ZFPM2: variants seen among roughly 807,000 people sequenced by gnomAD.
ZFPM2 encodes the protein zinc finger protein, FOG family member 2, also known as zinc finger protein ZFPM2.
Under a neutral mutation model 98.6 loss-of-function variants are expected in ZFPM2, and 20 were observed. The observed-to-expected ratio is 0.20, with a 90% CI of 0.14 to 0.29. The LOEUF is 0.29. ZFPM2 is among the 10% of genes least tolerant of loss of function. The probability of loss-of-function intolerance (pLI) is 1.00; values close to 1 mark genes in which losing one functional copy is unlikely to be tolerated. For synonymous variants in ZFPM2, 518 were observed against 502.7 expected (o/e 1.03, Z -0.41); for missense variants, 1,310 against 1,388.6 (o/e 0.94, Z 0.90).
intron 3 of ZFPM2, among the ~76,000 whole-genome samples, chr8:105,454,135 A>C (rs552625644): frequency 6.6e-6 from 1 of 152,160 alleles, no homozygotes; most frequent in East Asian, 1.9e-4. Context: ...TTATATGAAA[A>C]GTCTTTTCGA....
chr8:105,786,911 T>C (rs745617910), intron 5 of ZFPM2, among the ~76,000 whole-genome samples: 3 of 152,222 alleles, frequency 2.0e-5, no homozygotes, highest in Non-Finnish European at 4.4e-5. Context: ...TTACCAATAA[T>C]GTAAAGTTAA....
At chr8:105,637,910 T>C (rs1405891532) in intron 5 of ZFPM2, among the ~76,000 whole-genome samples, 1 of 152,098 alleles carries the variant, frequency 6.6e-6, no homozygotes, top group African/African-American at 2.4e-5. Context: ...CCTCTTTTGT[T>C]TTCAAGTGGT....
chr8:105,487,469 C>T (rs1029067251), intron 3 of ZFPM2, among the ~76,000 whole-genome samples: 3 of 152,170 alleles, frequency 2.0e-5, no homozygotes, highest in Non-Finnish European at 2.9e-5. Context: ...TTGTTTTCCC[C>T]ATTAGAATGC....
chr8:105,798,892 G>A lies in ZFPM2; in HGVS notation c.908G>A (p.Cys303Tyr), dbSNP rs373750893. The change falls in exon 7 of 8, where the codon TGC (cysteine) becomes TAC (tyrosine). Residue 303 changes from cysteine (C) to tyrosine (Y), a missense_variant. Physicochemically the swap from Cys to Tyr is radical, Grantham distance 194. Transcript: ENST00000407775. ...TCCAGCCTGTGCCCCTTCCCACAGT[G>A]CACCAAGAGCTTTTCAAATGCTCGA... is the stretch of plus-strand genomic sequence containing the variant. ...QISSLCPFPQ[C>Y]TKSFSNARAL... 6.8e-6 allele frequency: 11 copies of A among 1,613,806 alleles called. No homozygotes were observed. Among genetic ancestry groups the A allele is most frequent in the Non-Finnish European group, 9.3e-6 (11 of 1,179,866 alleles).
intron 3 of ZFPM2, among the ~76,000 whole-genome samples, chr8:105,541,040 G>T (rs548447503): frequency 6.6e-6 from 1 of 151,964 alleles, no homozygotes; most frequent in Admixed American, 6.6e-5. Flanking sequence ...TGTAAGATTC[G>T]AATTTTTCTT....
Position 105,772,322 on chromosome 8 carries a change from A to C in ZFPM2, c.533-16396A>C, listed in dbSNP as rs551549345. On this transcript the variant is annotated intron_variant, in intron 5 of 7. Transcript: ENST00000407775. ...TCACAGTAACAGATGGGAGAAGGTG[A>C]GCATACAGGGATTTATAAGGATGCT... is the stretch of plus-strand genomic sequence containing the variant. Among the ~76,000 whole-genome samples the C allele has an allele frequency of 2.0e-3, 312 of 152,272 alleles. 1 individual carries two copies. Among genetic ancestry groups the C allele is most frequent in the African/African-American group, 7.3e-3 (302 of 41,560 alleles).
chr8:105,694,456 T>TA (rs1185747339), intron 5 of ZFPM2, among the ~76,000 whole-genome samples: 1 of 152,178 alleles, frequency 6.6e-6, no homozygotes, highest in African/African-American at 2.4e-5. Context: ...CATTCTACCA[T>TA]AAAAATATCG....
chr8:105,628,871 A>G (rs1816707082), intron 4 of ZFPM2, among the ~76,000 whole-genome samples: 1 of 151,916 alleles, frequency 6.6e-6, no homozygotes, highest in Non-Finnish European at 1.5e-5. Context: ...AAAGGATGTC[A>G]CACTGGCCCT....
chr8:105,399,295 A>T (rs557890058), intron 1 of ZFPM2, among the ~76,000 whole-genome samples: 1 of 152,332 alleles, frequency 6.6e-6, no homozygotes, highest in South Asian at 2.1e-4. Context: ...GTTCCTGCAG[A>T]TTAGAAAGCT....
intron 2 of ZFPM2, among the ~76,000 whole-genome samples, chr8:105,440,995 C>CAA (rs34981992): frequency 2.0e-5 from 3 of 147,892 alleles, no homozygotes; most frequent in Admixed American, 6.7e-5. Context: ...ACTAAAAATA[C>CAA]AAAAAAAAAA....
chr8:105,703,439 A>G (rs938531612), intron 5 of ZFPM2, among the ~76,000 whole-genome samples: 1 of 152,218 alleles, frequency 6.6e-6, no homozygotes, highest in Non-Finnish European at 1.5e-5. Flanking sequence ...AATTCAGTAA[A>G]GGAAATTTGC....
At chr8:105,674,915 G>A (rs1430286702) in intron 5 of ZFPM2, among the ~76,000 whole-genome samples, 4 of 152,112 alleles carry the variant, frequency 2.6e-5, no homozygotes, top group African/African-American at 9.7e-5. Context: ...CCAGAAAGGG[G>A]TGGAGTGCTA....
At chr8:105,772,477 G>A (rs1001995890) in intron 5 of ZFPM2, among the ~76,000 whole-genome samples, 1 of 152,136 alleles carries the variant, frequency 6.6e-6, no homozygotes, top group African/African-American at 2.4e-5. Context: ...GCTTGAAGGA[G>A]GAGAAAGCAG....
intron 1 of ZFPM2, among the ~76,000 whole-genome samples, chr8:105,385,243 G>T (rs1036300351): frequency 6.6e-6 from 1 of 152,206 alleles, no homozygotes; most frequent in African/African-American, 2.4e-5. Context: ...ATTCGTTTCT[G>T]CATGGACTCT....
At chr8:105,539,083 A>G (rs550581914) in intron 3 of ZFPM2, among the ~76,000 whole-genome samples, 181 of 152,176 alleles carry the variant, frequency 1.2e-3, no homozygotes, top group African/African-American at 4.2e-3. Flanking sequence ...GATGGTTCAT[A>G]TTTTCTTCTG....
At chr8:105,561,523 T>C (rs373498245) in intron 4 of ZFPM2, 42 bp downstream of exon 4, 15 of 1,444,318 alleles carry the variant, frequency 1.0e-5, no homozygotes, top group African/African-American at 4.3e-5. Flanking sequence ...TGTCATCGAC[T>C]GTTAGTATTT....
intron 3 of ZFPM2, among the ~76,000 whole-genome samples, chr8:105,444,787 T>G (rs1812334345): frequency 6.6e-6 from 1 of 152,130 alleles, no homozygotes; most frequent in South Asian, 2.1e-4. Flanking sequence ...CAATACATAT[T>G]TAGAAGTTTA....
intron 4 of ZFPM2, among the ~76,000 whole-genome samples, chr8:105,623,345 T>G (rs1288739107): frequency 2.0e-5 from 3 of 152,196 alleles, no homozygotes; most frequent in Non-Finnish European, 4.4e-5. Flanking sequence ...TGCCATAGAC[T>G]TCTTCCATTA....
At chr8:105,405,316 C>T (rs922043796) in intron 1 of ZFPM2, among the ~76,000 whole-genome samples, 1 of 151,766 alleles carries the variant, frequency 6.6e-6, no homozygotes, top group Non-Finnish European at 1.5e-5. Flanking sequence ...TTTTAGGGTA[C>T]ATGTGCACAA....
Sources: allele counts gnomAD v4.1 joint callset (sites outside exome capture counted in the v4.1 genomes callset), GRCh38; gene constraint gnomAD v4.1.1; transcripts MANE v1.5; gene names NCBI Gene and HGNC (gene_info 2026-07-23, HGNC 2026-07-21).